The following SAMD12 variants were observed in gnomAD, a reference collection of about 807,000 sequenced individuals.
The protein encoded by SAMD12 is sterile alpha motif domain containing 12.
A neutral mutation model predicts 15.0 loss-of-function variants in SAMD12; 9 were observed. The observed-to-expected ratio is 0.60, with a 90% confidence interval of 0.36 to 1.05. The LOEUF (loss-of-function observed/expected upper bound fraction) is 1.05. Among genes scored for constraint, SAMD12 ranks in the 50% least tolerant of loss-of-function variants. The pLI is 0.01. For synonymous variants in SAMD12, 86 were observed against 90.1 expected, an observed-to-expected ratio of 0.96 and a Z score of 0.25; for missense variants, 230 against 234.2, an observed-to-expected ratio of 0.98 and a Z score of 0.12.
chr8:118,496,331 C>T (rs1431167621), intron 2 of SAMD12, among the ~76,000 whole-genome samples: 2 of 152,110 alleles, frequency 1.3e-5, no homozygotes, highest in Admixed American at 6.6e-5. Context: ...TACTACAAGG[C>T]TACAGAAATC....
chr8:118,271,632 G>A (rs1327444562), intron 4 of SAMD12, among the ~76,000 whole-genome samples: 1 of 152,196 alleles, frequency 6.6e-6, no homozygotes, highest in Non-Finnish European at 1.5e-5. Context: ...AAGCAAGTTA[G>A]TTACTTCTAG....
At chr8:118,132,970 GTGTATATATA>G in the SAMD12 span, among the ~76,000 whole-genome samples, 1,361 of 66,694 alleles carry the variant, frequency 0.02, 10 homozygotes, top group South Asian at 0.025. Flanking sequence ...ATGTGTGTGT[GTGTATATATA>G]TATATATATA....
the SAMD12 span, among the ~76,000 whole-genome samples, chr8:118,134,809 G>A: frequency 4.6e-5 from 7 of 152,224 alleles, 1 homozygote; most frequent in Admixed American, 2.0e-4. Flanking sequence ...GTGCATACTC[G>A]CCTTCATACC....
the SAMD12 span, among the ~76,000 whole-genome samples, chr8:118,139,423 A>G: frequency 6.6e-6 from 1 of 152,202 alleles, no homozygotes; most frequent in Non-Finnish European, 1.5e-5. Context: ...CAGTGGCACG[A>G]TCATAGCTCT....
chr8:118,193,910 C>G (rs986442074), exon 5 of SAMD12: 2 of 152,082 alleles, frequency 1.3e-5, no homozygotes, highest in African/African-American at 4.8e-5. Flanking sequence ...ATTGACAAGT[C>G]TAGTTGTCAA....
At chr8:118,540,395 C>T (rs1399344853) in intron 2 of SAMD12, among the ~76,000 whole-genome samples, 2 of 152,158 alleles carry the variant, frequency 1.3e-5, no homozygotes, top group Non-Finnish European at 2.9e-5. Flanking sequence ...TCAAGGTCAT[C>T]TGTAATATTG....
intron 4 of SAMD12, among the ~76,000 whole-genome samples, chr8:118,366,861 TAA>T (rs1243916648): frequency 2.7e-5 from 3 of 111,866 alleles, no homozygotes; most frequent in Non-Finnish European, 3.7e-5. Flanking sequence ...TAAAATAAAA[TAA>T]AATAAAATAA....
At chr8:118,367,287 C>A (rs1463888145) in intron 4 of SAMD12, among the ~76,000 whole-genome samples, 2 of 152,178 alleles carry the variant, frequency 1.3e-5, no homozygotes, top group Non-Finnish European at 2.9e-5. Context: ...CTCAGTGCAT[C>A]TCTGAAAGTG....
At chr8:118,469,510 A>ATATATATAATATATAT (rs1823708502) in intron 2 of SAMD12, among the ~76,000 whole-genome samples, 1 of 110 alleles carries the variant, frequency 9.1e-3, no homozygotes, top group Non-Finnish European at 0.17. Context: ...TTTTTATATA[A>ATATATATAATATATAT]TATATAATAT....
At chr8:118,135,189 GT>G in the SAMD12 span, among the ~76,000 whole-genome samples, 2 of 151,600 alleles carry the variant, frequency 1.3e-5, no homozygotes, top group Non-Finnish European at 2.9e-5. Context: ...TTTCTTTTTT[GT>G]TTTTTTTCTG....
At chr8:118,295,124 A>G (rs1170355873) in intron 4 of SAMD12, among the ~76,000 whole-genome samples, 2 of 152,184 alleles carry the variant, frequency 1.3e-5, no homozygotes, top group African/African-American at 4.8e-5. Context: ...AATTTTTGGC[A>G]TACAATTCAC....
At chr8:118,141,348 C>T in the SAMD12 span, among the ~76,000 whole-genome samples, 2 of 152,122 alleles carry the variant, frequency 1.3e-5, no homozygotes, top group African/African-American at 2.4e-5. Flanking sequence ...TTTACAAAGC[C>T]TGTTAGAAAT....
At chr8:118,219,713 T>C (rs182055653) in intron 4 of SAMD12, among the ~76,000 whole-genome samples, 16 of 152,286 alleles carry the variant, frequency 1.1e-4, no homozygotes, top group Admixed American at 5.2e-4. Flanking sequence ...TATATGGAGA[T>C]AGGGAGAGGC....
intron 3 of SAMD12, among the ~76,000 whole-genome samples, chr8:118,404,790 CCATTACTTTTTTTTCTACT>C (rs1821046037): frequency 1.3e-5 from 2 of 152,062 alleles, no homozygotes; most frequent in Admixed American, 1.3e-4. Context: ...CTCTACAAGT[CCATTACTTTTTTTTCTACT>C]TGTAATACGC....
At chr8:118,271,498 G>T (rs1345188685) in intron 4 of SAMD12, among the ~76,000 whole-genome samples, 1 of 152,060 alleles carries the variant, frequency 6.6e-6, no homozygotes, top group African/African-American at 2.4e-5. Context: ...TTTGAAAATA[G>T]AAACATATCC....
At chr8:118,395,850 C>T (rs1432376720) in intron 3 of SAMD12, among the ~76,000 whole-genome samples, 11 of 149,454 alleles carry the variant, frequency 7.4e-5, no homozygotes, top group Admixed American at 2.7e-4. Context: ...CCCAGCTACT[C>T]GGGAGGCTGA....
chr8:118,528,508 T>C (rs941355241), intron 2 of SAMD12, among the ~76,000 whole-genome samples: 1 of 152,250 alleles, frequency 6.6e-6, no homozygotes, highest in African/African-American at 2.4e-5. Flanking sequence ...TCTTCAATGA[T>C]AATTAGGTTA....
intron 3 of SAMD12, among the ~76,000 whole-genome samples, chr8:118,403,867 A>G (rs1820989042): frequency 6.6e-6 from 1 of 152,232 alleles, no homozygotes; most frequent in Non-Finnish European, 1.5e-5. Flanking sequence ...AGATGGCCAT[A>G]GCATTCTTGA....
chr8:118,200,486 T>C (rs72675841), intron 4 of SAMD12, among the ~76,000 whole-genome samples: 30,932 of 150,294 alleles, frequency 0.21, 3,336 homozygotes, highest in African/African-American at 0.26. Flanking sequence ...TGAATATAAA[T>C]AGAACTAGAA....
Sources: gnomAD v4.1 joint callset for allele counts (sites outside exome capture counted in the v4.1 genomes callset) on GRCh38, gnomAD v4.1.1 for gene constraint, MANE v1.5 for transcripts, NCBI Gene and HGNC (gene_info 2026-07-23, HGNC 2026-07-21) for gene names.